The following TCEANC variants were observed in gnomAD, a reference collection of about 807,000 sequenced individuals.
TCEANC encodes transcription elongation factor A N-terminal and central domain-containing protein.
In TCEANC, 8 loss-of-function variants were observed where a neutral mutation model predicts 8.7. That is an observed-to-expected ratio of 0.92 (90% CI 0.54 to 1.65). TCEANC has a LOEUF of 1.65. Ranked by LOEUF, TCEANC falls within the 40% of genes most tolerant of loss-of-function variation. The pLI, the probability that TCEANC is intolerant of heterozygous loss-of-function variation, is 0.00. For missense variants in TCEANC, 255 were observed against 251.9 expected, an observed-to-expected ratio of 1.01 and a Z score of -0.08; for synonymous variants, 78 against 92.9, an observed-to-expected ratio of 0.84 and a Z score of 0.92.
At chrX:13,659,482 A>C (rs1268910797) in intron 1 of TCEANC, among the ~76,000 whole-genome samples, 170 bp from the exon 3 acceptor site, 1 of 112,309 alleles carries the variant, frequency 8.9e-6, no homozygotes, top group Non-Finnish European at 1.9e-5. Flanking sequence ...GTAAATCTAT[A>C]GAAGTTAATG....
exon 2 of TCEANC, chrX:13,663,642 C>T (rs955596588): frequency 1.8e-5 from 16 of 871,028 alleles, no homozygotes; most frequent in Non-Finnish European, 2.5e-5. Flanking sequence ...TTTTAAAAAT[C>T]TTATACACAC....
In TCEANC at chrX:13,659,522, T is replaced by G. The variant is rs183416766; in HGVS notation, c.-8-2979T>G. Among the ~76,000 whole-genome samples the G allele has an allele frequency of 8.0e-3, 904 of 112,385 alleles. 12 individuals are homozygous for G. Among genetic ancestry groups the G allele is most frequent in the African/African-American group, 0.027 (843 of 30,937 alleles). On this transcript the variant is annotated intron_variant, in intron 1 of 1. Transcript: ENST00000380600. ...TATGTATAAACAACCAAAAAGCACT[T>G]TGCTCTTCATTTTATATGTTCTTTT...
At chrX:13,663,083 A>T (rs777769962) in exon 2 of TCEANC, 1 of 1,211,602 alleles carries the variant, frequency 8.3e-7, no homozygotes. Context: ...TCCACAGATC[A>T]ACCCAAAGCT....
chrX:13,656,284 T>C (rs73195800), intron 1 of TCEANC, among the ~76,000 whole-genome samples: 1,421 of 112,558 alleles, frequency 0.013, 14 homozygotes, highest in Non-Finnish European at 0.017. Context: ...ACTGTCTCTT[T>C]AGGCTCAGCA....
At chrX:13,656,055 C>T (rs1387405989) in intron 1 of TCEANC, among the ~76,000 whole-genome samples, 1 of 112,681 alleles carries the variant, frequency 8.9e-6, no homozygotes, top group Non-Finnish European at 1.9e-5. Context: ...GCCAGACTCA[C>T]AGTTGGGCCT....
intron 1 of TCEANC, among the ~76,000 whole-genome samples, 161 bp from the exon 4 acceptor site, chrX:13,660,870 A>G (rs888161716): frequency 9.0e-6 from 1 of 111,703 alleles, no homozygotes; most frequent in East Asian, 2.8e-4. Flanking sequence ...TTTTAGACAG[A>G]GTCTTGCTGT....
chrX:13,661,834 A>G (rs1261753224), intron 1 of TCEANC, among the ~76,000 whole-genome samples: 2 of 111,955 alleles, frequency 1.8e-5, no homozygotes, highest in African/African-American at 6.5e-5. Flanking sequence ...AATCATCTGG[A>G]TCATTGAGTC....
chrX:13,657,825 A>ACG (rs1569216492), intron 1 of TCEANC, among the ~76,000 whole-genome samples: 3 of 101,373 alleles, frequency 3.0e-5, no homozygotes, highest in African/African-American at 1.2e-4. Context: ...AAAAAAAAAA[A>ACG]AACACACACA....
intron 1 of TCEANC, among the ~76,000 whole-genome samples, chrX:13,656,266 A>G (rs1429599194): frequency 8.9e-6 from 1 of 112,374 alleles, no homozygotes; most frequent in Non-Finnish European, 1.9e-5. Context: ...AGCTCCTTCA[A>G]GGCAGAGACT....
At chrX:13,658,475 T>C (rs760508297) in intron 1 of TCEANC, among the ~76,000 whole-genome samples, 1 of 112,421 alleles carries the variant, frequency 8.9e-6, no homozygotes, top group Non-Finnish European at 1.9e-5. Flanking sequence ...TTTGTTCTTT[T>C]ACTCTTTTCT....
exon 2 of TCEANC, chrX:13,662,777 C>G (rs781199391): frequency 2.5e-6 from 3 of 1,211,223 alleles, no homozygotes; most frequent in Non-Finnish European, 3.4e-6. Flanking sequence ...AGGAACAGCC[C>G]TAAATTATTT....
intron 1 of TCEANC, 63 bp downstream of exon 3, chrX:13,659,831 T>G (rs1393839020): frequency 1.8e-5 from 2 of 111,937 alleles, no homozygotes; most frequent in Non-Finnish European, 3.7e-5. Flanking sequence ...TTCACCATGT[T>G]GGCCAGGATA....
At chrX:13,654,400 C>T (rs1191135550), upstream of TCEANC, among the ~76,000 whole-genome samples, 1 of 112,555 alleles carries the variant, frequency 8.9e-6, no homozygotes, top group Non-Finnish European at 1.9e-5. Context: ...TTTTCTGTAT[C>T]TGCTGTTGCT....
At chrX:13,657,517 T>C (rs1385147195) in intron 1 of TCEANC, among the ~76,000 whole-genome samples, 1 of 112,479 alleles carries the variant, frequency 8.9e-6, no homozygotes, top group Non-Finnish European at 1.9e-5. Context: ...ATGCAAAAAC[T>C]TGTACACAGG....
chrX:13,662,943 A>AC lies in TCEANC; in HGVS notation c.437dup (p.Lys147Ter), dbSNP rs1207610415. 3.3e-6 allele frequency: 4 copies of AC among 1,209,473 alleles called. No individual in the cohort carries two copies. The highest frequency in any genetic ancestry group is 4.5e-6 in the Non-Finnish European group (4 of 895,121). Reference sequence around the variant, plus strand: ...CTGAAAATAGAGCCATTCAATTGAAACCTAAGGAAGAGCATTTTGGGGATG... The same window carrying AC: ...CTGAAAATAGAGCCATTCAATTGAAACCCTAAGGAAGAGCATTTTGGGGATG... On this transcript the variant is annotated frameshift_variant, in exon 2 of 2. Transcript: ENST00000380600. LOFTEE classifies it low-confidence loss of function (END_TRUNC).
intron 1 of TCEANC, among the ~76,000 whole-genome samples, chrX:13,660,676 T>C (rs1344382793): frequency 8.9e-6 from 1 of 112,413 alleles, no homozygotes; most frequent in Non-Finnish European, 1.9e-5. Context: ...TGTGGATAAA[T>C]CACATTTTAT....
At chrX:13,654,563 G>A (rs1040145874), upstream of TCEANC, among the ~76,000 whole-genome samples, 1 of 111,319 alleles carries the variant, frequency 9.0e-6, no homozygotes, top group African/African-American at 3.3e-5. Context: ...CCTTTTAATT[G>A]TAGATTCACA....
exon 2 of TCEANC, chrX:13,663,178 A>C (rs745747120): frequency 8.3e-7 from 1 of 1,204,612 alleles, no homozygotes; most frequent in Non-Finnish European, 1.1e-6. Flanking sequence ...TAAAACTTGC[A>C]TCAGAAGCAA....
At chrX:13,660,685 A>G (rs2045960133) in intron 1 of TCEANC, among the ~76,000 whole-genome samples, 1 of 112,366 alleles carries the variant, frequency 8.9e-6, no homozygotes, top group Non-Finnish European at 1.9e-5. Context: ...ATCACATTTT[A>G]TTTATCCATT....
Sources: allele counts gnomAD v4.1 joint callset (sites outside exome capture counted in the v4.1 genomes callset), GRCh38; gene constraint gnomAD v4.1.1; transcripts MANE v1.5; gene names NCBI Gene and HGNC (gene_info 2026-07-23, HGNC 2026-07-21).